Variants in SMARCC2 observed in about 807,000 individuals in gnomAD.
SMARCC2 encodes SWI/SNF complex subunit SMARCC2.
In SMARCC2, 15 loss-of-function variants were observed where a neutral mutation model predicts 151.3. That is an observed-to-expected ratio of 0.10 (90% confidence interval 0.07 to 0.15). The LOEUF is 0.15. Ranked by LOEUF, SMARCC2 falls within the 10% of genes least tolerant of loss-of-function variation. The pLI, the probability that SMARCC2 is intolerant of heterozygous loss-of-function variation, is 1.00. For synonymous variants in SMARCC2, 590 were observed against 609.5 expected (o/e 0.97, Z 0.47); for missense variants, 1,031 against 1,599.7 (o/e 0.64, Z 6.06).
At chr12:56,186,315 T>G in intron 2 of SMARCC2, 75 bp from the exon 3 acceptor site, 1 of 886,106 alleles carries the variant, frequency 1.1e-6, no homozygotes. Context: ...AATCTAATAA[T>G]CCTTTCACAA....
In SMARCC2 at chr12:56,173,774, C is replaced by A; in HGVS notation, c.1572G>T (p.Gly524=). ...VDAESRPTPM[G]PPPTSHFHVL... Reference sequence around the variant, plus strand: ...CATGGAAGTGAGAGGTAGGCGGAGGCCCCATTGGGGTTGGTCGACTCTCAG... The same window carrying A: ...CATGGAAGTGAGAGGTAGGCGGAGGACCCATTGGGGTTGGTCGACTCTCAG... The change falls in exon 17 of 29, where the codon GGG becomes GGT. Residue 524 remains glycine (G), a synonymous_variant. Transcript: ENST00000550164. 1 of 1,613,998 alleles carries A rather than the reference C, an allele frequency of 6.2e-7. No homozygotes were observed. The highest frequency in any genetic ancestry group is 8.5e-7 in the Non-Finnish European group (1 of 1,179,920).
Position 56,181,986 on chromosome 12 carries a change from GA to G in SMARCC2, c.708+17del. ...CTGGCATTCTTTTTGGGGAAGAGGG[GA>G]TACAAGAAAAGCTCACCTTCCTAGG... is the stretch of plus-strand genomic sequence containing the variant. On this transcript the variant is annotated intron_variant, in intron 8 of 28. Transcript: ENST00000550164. The G allele has an allele frequency of 6.2e-7, 1 of 1,601,672 alleles. No individual in the cohort carries two copies. Among genetic ancestry groups the G allele is most frequent in the Non-Finnish European group, 8.5e-7 (1 of 1,170,838 alleles).
rs776990703 is a variant in SMARCC2 at position 56,169,760 on chromosome 12, C to T, written c.2548+16G>A. The T allele has an allele frequency of 5.0e-6, 8 of 1,614,012 alleles. No homozygotes were observed. Among genetic ancestry groups the T allele is most frequent in the African/African-American group, 2.7e-5 (2 of 74,944 alleles). ...CCTCTGTCCTGCACCCCCACCTACC[C>T]TTGTGGGAGGCTCACCTATTGGGTC... On this transcript the variant is annotated intron_variant, in intron 24 of 28. Transcript: ENST00000550164.
chr12:56,189,110 G>C (rs1336731066), intron 1 of SMARCC2, among the ~76,000 whole-genome samples: 4 of 136,786 alleles, frequency 2.9e-5, no homozygotes, highest in African/African-American at 8.0e-5. Flanking sequence ...GGGCAGTAGA[G>C]AAAAACAAGG....
At chr12:56,181,425 C>T in intron 10 of SMARCC2, 57 bp downstream of exon 10, 2 of 1,115,784 alleles carry the variant, frequency 1.8e-6, no homozygotes, top group Middle Eastern at 2.6e-4. Flanking sequence ...TCTTTCCTTC[C>T]TTCAACATGA....
chr12:56,178,251 G>A (rs545795646), intron 14 of SMARCC2, among the ~76,000 whole-genome samples, 153 bp downstream of exon 14: 2 of 152,330 alleles, frequency 1.3e-5, no homozygotes, highest in South Asian at 4.1e-4. Flanking sequence ...AGACTCAAAA[G>A]GACACAAGGA....
rs1565896474 is a variant in SMARCC2 at position 56,168,145 on chromosome 12, A to G, written c.2765T>C (p.Leu922Pro). 1 of 1,614,214 alleles carries G rather than the reference A, an allele frequency of 6.2e-7. No individual in the cohort carries two copies. Among genetic ancestry groups the G allele is most frequent in the Non-Finnish European group, 8.5e-7 (1 of 1,180,038 alleles). ...ERKIKSLVALLVETQMKKLEI... is the reference protein window; with the variant it reads ...ERKIKSLVALPVETQMKKLEI... ...CAACTTTTTCATCTGGGTCTCCACC[A>G]GCAGGGCCACCAAAGATTTGATCTT... The change falls in exon 26 of 29, where the codon CTG (leucine) becomes CCG (proline). Residue 922 changes from leucine (L) to proline (P), a missense_variant. Physicochemically the swap from Leu to Pro is moderately conservative, Grantham distance 98 (BLOSUM62 -3). Coordinates refer to ENST00000550164, the MANE Select transcript of SMARCC2 (RefSeq NM_001330288.2).
At chr12:56,178,238 G>GT (rs1230450091) in intron 14 of SMARCC2, 145 bp from the exon 15 acceptor site, 2 of 937,164 alleles carry the variant, frequency 2.1e-6, no homozygotes, top group Non-Finnish European at 3.3e-6. Flanking sequence ...CCCACAGGCT[G>GT]TAAGACTCAA....
intron 7 of SMARCC2, among the ~76,000 whole-genome samples, chr12:56,183,071 C>A (rs1876550799): frequency 6.6e-6 from 1 of 151,306 alleles, no homozygotes; most frequent in African/African-American, 2.4e-5. Context: ...AACTCCTGGG[C>A]TCAAGCAATC....
intron 2 of SMARCC2, chr12:56,186,798 G>A (rs892860761): frequency 1.6e-5 from 3 of 182,102 alleles, no homozygotes; most frequent in African/African-American, 7.2e-5. Context: ...TACAAGGTAG[G>A]TTTACTAATC....
At chr12:56,181,649 T>C in intron 9 of SMARCC2, 52 bp from the exon 10 acceptor site, 1 of 1,613,426 alleles carries the variant, frequency 6.2e-7, no homozygotes, top group South Asian at 1.1e-5. Flanking sequence ...CCACTGAAGA[T>C]TTGTTCTGAG....
intron 26 of SMARCC2, 23 bp downstream of exon 26, chr12:56,168,037 G>T (rs776421029): frequency 6.2e-7 from 1 of 1,611,464 alleles, no homozygotes; most frequent in Non-Finnish European, 8.5e-7. Flanking sequence ...GCGCAGCAGG[G>T]TTCCAGGGCT....
Position 56,164,520 on chromosome 12 carries a change from A to G in SMARCC2, c.3444T>C (p.His1148=). 6.2e-7 allele frequency: 1 copy of G among 1,614,210 alleles called. No individual in the cohort carries two copies. Among genetic ancestry groups the G allele is most frequent in the Non-Finnish European group, 8.5e-7 (1 of 1,180,042 alleles). Residue 1148 remains histidine, a synonymous_variant, in exon 28 of 29, where the codon CAT becomes CAC. Transcript: ENST00000550164. ...CGAACGGGAGATGGTGGTGATGCCCATGCAGGTTAGGAGGAGCGGGGAGGT... is the reference window on the plus strand; with the variant it reads ...CGAACGGGAGATGGTGGTGATGCCCGTGCAGGTTAGGAGGAGCGGGGAGGT... ...SINLPAPPNL[H]GHHHHLPFAP...
At chr12:56,184,302 TA>T in intron 5 of SMARCC2, 58 bp from the exon 6 acceptor site, 1 of 1,289,618 alleles carries the variant, frequency 7.8e-7, no homozygotes, top group Non-Finnish European at 1.1e-6. Context: ...ACTCAAGGTT[TA>T]GCCACAGAGC....
At chr12:56,178,677 CAG>C (rs1875507453) in intron 13 of SMARCC2, 131 bp downstream of exon 13, 2 of 1,385,640 alleles carry the variant, frequency 1.4e-6, no homozygotes, top group African/African-American at 2.8e-5. Context: ...CTGAAAGGGT[CAG>C]AGTTTTGAAC....
intron 12 of SMARCC2, 66 bp from the exon 13 acceptor site, chr12:56,178,913 C>A: frequency 1.2e-6 from 2 of 1,603,604 alleles, no homozygotes. Context: ...CTACCAAAAG[C>A]CCATCAGGCT....
intron 1 of SMARCC2, 32 bp downstream of exon 1, chr12:56,189,319 G>A (rs1245353991): frequency 1.4e-6 from 2 of 1,379,454 alleles, no homozygotes; most frequent in South Asian, 1.3e-5. Flanking sequence ...TCCCGCCCCC[G>A]GTCCCCGCGC....
chr12:56,178,674 G>A, intron 13 of SMARCC2, 136 bp downstream of exon 13: 1 of 1,373,578 alleles, frequency 7.3e-7, no homozygotes, highest in South Asian at 1.2e-5. Flanking sequence ...ACTCTGAAAG[G>A]GTCAGAGTTT....
intron 22 of SMARCC2, among the ~76,000 whole-genome samples, chr12:56,170,961 G>A (rs905096668): frequency 3.3e-5 from 5 of 149,626 alleles, no homozygotes; most frequent in Non-Finnish European, 5.9e-5. Context: ...TTGAACTCCC[G>A]ACCTCGTGAT....
Sources: allele counts gnomAD v4.1 joint callset (sites outside exome capture counted in the v4.1 genomes callset), GRCh38; gene constraint gnomAD v4.1.1; transcripts MANE v1.5; gene names NCBI Gene and HGNC (gene_info 2026-07-23, HGNC 2026-07-21).